SCLT1: variants seen among roughly 807,000 people sequenced by gnomAD.
The protein encoded by SCLT1 is sodium channel-associated protein 1.
Under a neutral mutation model 112.8 loss-of-function variants are expected in SCLT1, and 78 were observed. The ratio of observed to expected loss-of-function variants is 0.69; its 90% CI spans 0.58 to 0.83. The LOEUF (loss-of-function observed/expected upper bound fraction) is 0.83. Among genes scored for constraint, SCLT1 ranks in the 40% least tolerant of loss-of-function variants. The pLI is 0.00. For synonymous variants in SCLT1, 257 were observed against 254.7 expected (o/e 1.01, Z -0.09); for missense variants, 747 against 770.4 (o/e 0.97, Z 0.36).
intron 14 of SCLT1, among the ~76,000 whole-genome samples, chr4:128,950,196 C>T (rs372714234): frequency 2.6e-5 from 4 of 151,968 alleles, no homozygotes; most frequent in African/African-American, 7.3e-5. Flanking sequence ...TACCTACATT[C>T]GTAACTCCTC....
chr4:128,951,837 A>G lies in SCLT1; in HGVS notation c.1218+932T>C, dbSNP rs975159562. On this transcript the variant is annotated intron_variant, in intron 14 of 20. Transcript: ENST00000281142. Reference sequence around the variant, plus strand: ...CATTAAACAAACAAATACAAAATAAATATTCCTTGTTCTATTACATTTGGG... The same window carrying G: ...CATTAAACAAACAAATACAAAATAAGTATTCCTTGTTCTATTACATTTGGG... Among the ~76,000 whole-genome samples the G allele has an allele frequency of 6.6e-5, 10 of 152,148 alleles. 1 individual carries two copies. The highest frequency in any genetic ancestry group is 2.4e-4 in the African/African-American group (10 of 41,436).
At chr4:129,040,229 C>T (rs1747581890) in intron 4 of SCLT1, 7 of 702,596 alleles carry the variant, frequency 1.0e-5, no homozygotes, top group Non-Finnish European at 1.6e-5. Context: ...CACAATTAAA[C>T]CAACATGGAT....
At chr4:129,022,991 C>A (rs187698958) in intron 5 of SCLT1, among the ~76,000 whole-genome samples, 3 of 152,122 alleles carry the variant, frequency 2.0e-5, no homozygotes, top group Non-Finnish European at 2.9e-5. Flanking sequence ...GGGCCAATAT[C>A]CAACAATCTT....
intron 18 of SCLT1, among the ~76,000 whole-genome samples, chr4:128,902,167 A>C (rs1734368473): frequency 6.6e-6 from 1 of 152,174 alleles, no homozygotes; most frequent in Admixed American, 6.6e-5. Flanking sequence ...GGCTTCCCAA[A>C]GTGCTGGGAT....
intron 5 of SCLT1, among the ~76,000 whole-genome samples, chr4:129,029,466 G>T (rs935372470): frequency 1.3e-5 from 2 of 150,002 alleles, no homozygotes; most frequent in Non-Finnish European, 3.0e-5. Flanking sequence ...TCATAGGTGG[G>T]AATTGAACAA....
intron 8 of SCLT1, among the ~76,000 whole-genome samples, chr4:128,994,673 CGTG>C: frequency 6.6e-6 from 1 of 152,162 alleles, no homozygotes; most frequent in Non-Finnish European, 1.5e-5. Context: ...CTCTTCAACA[CGTG>C]TTGTCTTTTT....
intron 1 of SCLT1, among the ~76,000 whole-genome samples, chr4:129,090,212 G>A (rs1036133655): frequency 8.5e-5 from 13 of 152,160 alleles, no homozygotes; most frequent in Non-Finnish European, 4.4e-5. Context: ...ATGTACAGAA[G>A]AACCAATTTT....
chr4:129,070,585 C>A (rs1051606989), intron 2 of SCLT1, among the ~76,000 whole-genome samples: 1 of 152,104 alleles, frequency 6.6e-6, no homozygotes. Flanking sequence ...TTTTGTATTT[C>A]AGTGGTGACA....
intron 18 of SCLT1, among the ~76,000 whole-genome samples, chr4:128,892,953 C>A (rs763092016): frequency 1.5e-4 from 23 of 152,062 alleles, no homozygotes; most frequent in Middle Eastern, 3.4e-3. Flanking sequence ...GCCCAACCAT[C>A]CCCCCGACAA....
At chr4:128,938,679 CAT>C (rs1035496840) in intron 17 of SCLT1, among the ~76,000 whole-genome samples, 1 of 152,088 alleles carries the variant, frequency 6.6e-6, no homozygotes, top group Admixed American at 6.6e-5. Context: ...CTTATGAACA[CAT>C]GTTAAAAACT....
At chr4:129,070,925 C>T (rs1331077961) in intron 2 of SCLT1, among the ~76,000 whole-genome samples, 1 of 152,032 alleles carries the variant, frequency 6.6e-6, no homozygotes, top group Non-Finnish European at 1.5e-5. Context: ...TATGAACTTT[C>T]CCCTCTTAGC....
In SCLT1 at chr4:128,999,727, T is replaced by C. The variant is rs748250486; in HGVS notation, c.494A>G (p.Tyr165Cys). ...SQELDRLHKLYQEHMTEAQIH... is the reference protein window; with the variant it reads ...SQELDRLHKLCQEHMTEAQIH... ...CTGGGCCTCAGTCATATGTTCCTGGTAAAGCTTGTGTAGTCTGTCCAACTC... is the reference window on the plus strand; with the variant it reads ...CTGGGCCTCAGTCATATGTTCCTGGCAAAGCTTGTGTAGTCTGTCCAACTC... Residue 165 changes from tyrosine (Y) to cysteine (C), a missense_variant, in exon 7 of 21, where the codon TAC (tyrosine) becomes TGC (cysteine). This residue lies in a region of SCLT1 where 723 missense variants were observed against 721.3 expected (regional missense o/e 1.00). Transcript: ENST00000281142. The C allele has an allele frequency of 1.2e-6, 2 of 1,608,160 alleles. No homozygotes were observed. The highest frequency in any genetic ancestry group is 1.7e-6 in the Non-Finnish European group (2 of 1,175,658).
At chr4:128,973,817 G>T (rs1003797681) in intron 9 of SCLT1, among the ~76,000 whole-genome samples, 2 of 151,832 alleles carry the variant, frequency 1.3e-5, no homozygotes, top group African/African-American at 2.4e-5. Flanking sequence ...CTATTTTTTT[G>T]GGGGGAAATA....
chr4:129,023,310 T>G (rs1395566795), intron 5 of SCLT1, among the ~76,000 whole-genome samples: 2 of 152,158 alleles, frequency 1.3e-5, no homozygotes, highest in African/African-American at 4.8e-5. Context: ...TAACCTTAAA[T>G]GTAAATGGGC....
At chr4:129,016,344 C>T (rs999910348) in intron 5 of SCLT1, among the ~76,000 whole-genome samples, 2 of 57,520 alleles carry the variant, frequency 3.5e-5, no homozygotes, top group African/African-American at 6.5e-5. Flanking sequence ...CATACAGGCC[C>T]CAGTGTGTTG....
chr4:128,923,686 T>C (rs1340203327), intron 18 of SCLT1, among the ~76,000 whole-genome samples: 1 of 152,052 alleles, frequency 6.6e-6, no homozygotes, highest in Non-Finnish European at 1.5e-5. Context: ...TTGTTGAGTG[T>C]ATCAGTGGTT....
chr4:129,009,094 T>C (rs1744285773), intron 5 of SCLT1, among the ~76,000 whole-genome samples: 1 of 152,256 alleles, frequency 6.6e-6, no homozygotes, highest in African/African-American at 2.4e-5. Flanking sequence ...TCTATGTCTT[T>C]GTCATTGTGA....
intron 10 of SCLT1, among the ~76,000 whole-genome samples, chr4:128,967,105 G>A (rs910336238): frequency 3.9e-5 from 6 of 152,008 alleles, no homozygotes; most frequent in African/African-American, 1.2e-4. Context: ...GAGGACATGC[G>A]GTATTTGGTT....
intron 2 of SCLT1, among the ~76,000 whole-genome samples, chr4:129,075,489 G>A (rs186391844): frequency 3.9e-4 from 59 of 152,176 alleles, no homozygotes; most frequent in Non-Finnish European, 7.2e-4. Flanking sequence ...AAGGTTTTAC[G>A]TGGGTAACTC....
Sources: gnomAD v4.1 joint callset for allele counts (sites outside exome capture counted in the v4.1 genomes callset) on GRCh38, gnomAD v4.1.1 for gene constraint, gnomAD v4.1.1 regional missense constraint, MANE v1.5 for transcripts, NCBI Gene and HGNC (gene_info 2026-07-23, HGNC 2026-07-21) for gene names.